KIF1B: variants seen among roughly 807,000 people sequenced by gnomAD.
KIF1B encodes the protein kinesin-like protein KIF1B.
In KIF1B, 76 loss-of-function variants were observed where a neutral mutation model predicts 241.9. That is an observed-to-expected ratio of 0.31 (90% CI 0.26 to 0.38). The LOEUF is 0.38. Ranked by LOEUF, KIF1B falls within the 10% of genes least tolerant of loss-of-function variation. The pLI, the probability that KIF1B is intolerant of heterozygous loss-of-function variation, is 1.00. For synonymous variants in KIF1B, 750 were observed against 796.7 expected, an observed-to-expected ratio of 0.94 and a Z score of 0.99; for missense variants, 1,622 against 2,271.4, an observed-to-expected ratio of 0.71 and a Z score of 5.81.
chr1:10,228,476 G>A (rs752252655), intron 1 of KIF1B, among the ~76,000 whole-genome samples: 2 of 152,198 alleles, frequency 1.3e-5, no homozygotes, highest in East Asian at 1.9e-4. Flanking sequence ...TGGAAGTGAC[G>A]TTGAAAGTCA....
intron 13 of KIF1B, 107 bp downstream of exon 13, chr1:10,278,235 C>T: frequency 8.5e-7 from 1 of 1,170,290 alleles, no homozygotes; most frequent in Non-Finnish European, 1.2e-6. Flanking sequence ...CATGATGAAG[C>T]TAAATGGTAG....
intron 15 of KIF1B, among the ~76,000 whole-genome samples, chr1:10,288,820 G>T: frequency 6.6e-6 from 1 of 151,266 alleles, no homozygotes; most frequent in Non-Finnish European, 1.5e-5. Context: ...CTTTTTTCAC[G>T]TGTTCCCTTG....
rs74051817 is a variant in KIF1B at position 10,261,842 on chromosome 1, C to T, written c.364-63C>T. On this transcript the variant is annotated intron_variant, in intron 4 of 48. Transcript: ENST00000676179. ...ACGTCTGGCTAATTCATTGAGCACG[C>T]GTGGATGACTTAGTACTCCTCTCAT... 4.4e-3 allele frequency: 4,374 copies of T among 987,114 alleles called. 146 individuals are homozygous for T. The African/African-American group carries it at 0.061, about 14-fold the overall frequency. The allele number at this position is 987,114 out of a possible 1,614,324, so 61.1% of individuals were successfully genotyped here.
Position 10,232,322 on chromosome 1 carries a change from C to T in KIF1B, c.-7C>T. On this transcript the variant is annotated 5_prime_UTR_variant, in exon 2 of 49. Transcript: ENST00000676179. Reference sequence around the variant, plus strand: ...ACTGCATATATATATATAACAAGGCCATTAAAATGTCGGGAGCCTCAGTGA... The same window carrying T: ...ACTGCATATATATATATAACAAGGCTATTAAAATGTCGGGAGCCTCAGTGA... 1 of 1,586,298 alleles carries T rather than the reference C, an allele frequency of 6.3e-7. No homozygotes were observed. Among genetic ancestry groups the T allele is most frequent in the South Asian group, 1.1e-5 (1 of 90,130 alleles).
chr1:10,232,169 A>C (rs1004019707), intron 1 of KIF1B, 81 bp from the exon 2 acceptor site: 5 of 621,288 alleles, frequency 8.0e-6, no homozygotes, highest in Non-Finnish European at 1.4e-5. Context: ...AATAGAACTA[A>C]GATAGTAGTT....
At chr1:10,375,135 C>T in intron 47 of KIF1B, 89 bp downstream of exon 47, 2 of 1,522,688 alleles carry the variant, frequency 1.3e-6, no homozygotes, top group African/African-American at 1.4e-5. Context: ...GTGAAATTTC[C>T]CTATTCTCTC....
At chr1:10,357,780 G>A (rs949092842) in intron 38 of KIF1B, among the ~76,000 whole-genome samples, 2 of 151,778 alleles carry the variant, frequency 1.3e-5, no homozygotes, top group Admixed American at 6.6e-5. Context: ...AGGCCGAGGC[G>A]GGTGGATCAC....
intron 44 of KIF1B, 152 bp from the exon 45 acceptor site, chr1:10,370,989 A>T: frequency 2.3e-6 from 2 of 878,892 alleles, no homozygotes; most frequent in Non-Finnish European, 1.8e-6. Flanking sequence ...GTATTTATTT[A>T]TTGATAAATT....
intron 15 of KIF1B, among the ~76,000 whole-genome samples, chr1:10,287,697 C>T (rs1649783816): frequency 6.6e-6 from 1 of 152,164 alleles, no homozygotes; most frequent in Admixed American, 6.5e-5. Context: ...TTAGATAAGT[C>T]ATATTAGAGT....
rs756081500 is a variant in KIF1B, at chr1:10,352,698, T to A, written c.4017T>A (p.Ile1339=). 2 of 1,613,938 alleles carry A rather than the reference T, an allele frequency of 1.2e-6. No individual in the cohort carries two copies. Among genetic ancestry groups the A allele is most frequent in the Non-Finnish European group, 1.7e-6 (2 of 1,179,946 alleles). ...AVDAILSLNI[I]SAKYLKSSHN... Reference sequence around the variant, plus strand: ...ATGCCATCCTCTCCCTAAATATTATTTCTGCCAAGTACCTGAAGTCTTCCC... The same window carrying A: ...ATGCCATCCTCTCCCTAAATATTATATCTGCCAAGTACCTGAAGTCTTCCC... Residue 1339 remains isoleucine (I), a synonymous_variant, in exon 38 of 49, where the codon ATT becomes ATA. Transcript: ENST00000676179.
At chr1:10,319,385 G>A (rs996413237) in intron 22 of KIF1B, among the ~76,000 whole-genome samples, 1 of 152,178 alleles carries the variant, frequency 6.6e-6, no homozygotes, top group Non-Finnish European at 1.5e-5. Flanking sequence ...ACAGGTGTGA[G>A]CCACTGCACC....
chr1:10,363,337 T>C lies in KIF1B; in HGVS notation c.4359T>C (p.Gly1453=), dbSNP rs896724605. 6 of 1,611,526 alleles carry C rather than the reference T, an allele frequency of 3.7e-6. No homozygotes were observed. The highest frequency in any genetic ancestry group is 5.1e-6 in the Non-Finnish European group (6 of 1,177,680). ...ELSLCKMSDT[G]SPGMQRRRRK... is the part of the protein sequence containing the mutation. ...GCTTATGCAAAATGTCAGACACAGG[T>C]AGTCCAGGTAAGCTCTTGTGGATTG... Residue 1453 remains glycine (G), a synonymous_variant, in exon 41 of 49, where the codon GGT becomes GGC. Coordinates refer to ENST00000676179, the MANE Select transcript of KIF1B (RefSeq NM_001365951.3).
intron 22 of KIF1B, among the ~76,000 whole-genome samples, chr1:10,302,355 C>T (rs901152502): frequency 4.6e-5 from 7 of 152,066 alleles, no homozygotes; most frequent in African/African-American, 1.5e-4. Flanking sequence ...TTTAATCGTA[C>T]GACGGAAATG....
chr1:10,322,393 C>G (rs547929986), intron 24 of KIF1B, among the ~76,000 whole-genome samples: 3 of 152,182 alleles, frequency 2.0e-5, no homozygotes, highest in Non-Finnish European at 4.4e-5. Context: ...GGCAGCAGTA[C>G]CTGGCACCAA....
intron 1 of KIF1B, among the ~76,000 whole-genome samples, chr1:10,225,366 C>T (rs1338448465): frequency 3.3e-5 from 5 of 151,980 alleles, no homozygotes; most frequent in African/African-American, 9.7e-5. Context: ...ACCCCTGTAG[C>T]TCCAGCTGCT....
At position 10,303,970 on chromosome 1, in the gene KIF1B, T is replaced by C. The variant is rs773573027; in HGVS notation, c.2115+6724T>C. On this transcript the variant is annotated intron_variant, in intron 22 of 48. Coordinates refer to ENST00000676179, the MANE Select transcript of KIF1B (RefSeq NM_001365951.3). This position sits in a 1 kb window ranked among gnomAD's most constrained non-coding sequence, Gnocchi z 5.2. ...CTGGATGAGGCAAGAGCAAATTCGG[T>C]TTAAGAACTTGCAACAGCAGGAGAT... 1 of 1,613,848 alleles carries C rather than the reference T, an allele frequency of 6.2e-7. No homozygotes were observed. Among genetic ancestry groups the C allele is most frequent in the Non-Finnish European group, 8.5e-7 (1 of 1,179,914 alleles).
At chr1:10,361,612 T>C (rs1638425135) in intron 39 of KIF1B, 80 bp from the exon 40 acceptor site, 3 of 1,574,562 alleles carry the variant, frequency 1.9e-6, no homozygotes, top group Non-Finnish European at 2.6e-6. Context: ...TGGGACTCGC[T>C]TTCCAAATAC....
At chr1:10,268,689 A>G (rs1279457299) in intron 7 of KIF1B, among the ~76,000 whole-genome samples, 2 of 147,024 alleles carry the variant, frequency 1.4e-5, no homozygotes, top group Non-Finnish European at 3.0e-5. Context: ...AGCAAATGAT[A>G]TGTTTCATTC....
At chr1:10,364,436 C>T (rs1638509477) in intron 41 of KIF1B, among the ~76,000 whole-genome samples, 1 of 151,890 alleles carries the variant, frequency 6.6e-6, no homozygotes, top group Non-Finnish European at 1.5e-5. Context: ...AACTCCTGAC[C>T]TCAGATGATA....
Sources: gnomAD v4.1 joint callset for allele counts (sites outside exome capture counted in the v4.1 genomes callset) on GRCh38, gnomAD v4.1.1 for gene constraint, Gnocchi (gnomAD v3.1) non-coding constraint, MANE v1.5 for transcripts, NCBI Gene and HGNC (gene_info 2026-07-23, HGNC 2026-07-21) for gene names.